HIPK2: variants seen among roughly 807,000 people sequenced by gnomAD.
The protein encoded by HIPK2 is homeodomain interacting protein kinase 2.
In HIPK2, 27 loss-of-function variants were observed where a neutral mutation model predicts 113.7. The ratio of observed to expected loss-of-function variants is 0.24; its 90% CI spans 0.17 to 0.33. The LOEUF (loss-of-function observed/expected upper bound fraction) is 0.33. HIPK2 is among the 10% of genes least tolerant of loss of function. The probability of loss-of-function intolerance (pLI) is 1.00; values close to 1 mark genes in which losing one functional copy is unlikely to be tolerated. For missense variants in HIPK2, 1,257 were observed against 1,588.0 expected (o/e 0.79, Z 3.54); for synonymous variants, 631 against 642.2 (o/e 0.98, Z 0.26).
At chr7:139,647,180 C>T (rs555810815) in intron 2 of HIPK2, among the ~76,000 whole-genome samples, 55 of 151,628 alleles carry the variant, frequency 3.6e-4, no homozygotes, top group South Asian at 2.3e-3. Context: ...GGAAGCATCC[C>T]GAGGCCATGG....
intron 2 of HIPK2, among the ~76,000 whole-genome samples, chr7:139,704,481 T>C (rs1794831494): frequency 7.3e-6 from 1 of 137,424 alleles, no homozygotes; most frequent in East Asian, 2.3e-4. Context: ...CAACACATGC[T>C]ACATGTGCCC....
intron 2 of HIPK2, among the ~76,000 whole-genome samples, chr7:139,643,579 C>T (rs1360193917): frequency 1.3e-5 from 2 of 152,162 alleles, no homozygotes; most frequent in Non-Finnish European, 2.9e-5. Flanking sequence ...AACCAGTTCT[C>T]AGATGTCCAG....
intron 1 of HIPK2, among the ~76,000 whole-genome samples, chr7:139,741,365 C>G (rs1163648315): frequency 6.6e-6 from 1 of 152,122 alleles, no homozygotes; most frequent in African/African-American, 2.4e-5. Context: ...CACTCTGGAC[C>G]CCATCCTTCG....
At chr7:139,727,429 G>A (rs546988692) in intron 1 of HIPK2, among the ~76,000 whole-genome samples, 1 of 152,262 alleles carries the variant, frequency 6.6e-6, no homozygotes, top group African/African-American at 2.4e-5. Flanking sequence ...CAAGAAATGT[G>A]GTTCTCTTAA....
At position 139,569,850 on chromosome 7, in the gene HIPK2, GA is replaced by G. The variant is rs1798206748; in HGVS notation, c.*3076del. 1 of 151,872 alleles carries G rather than the reference GA, an allele frequency of 6.6e-6. No homozygotes were observed. Among genetic ancestry groups the G allele is most frequent in the Non-Finnish European group, 1.5e-5 (1 of 67,990 alleles). The allele number at this position is 151,872 out of a possible 1,614,324, so 9.4% of individuals were successfully genotyped here. ...TAAAGAGAAAACACAAAGATACTTG[GA>G]ATAAATGTGCATTTAAAACCCTGAC... On this transcript the variant is annotated 3_prime_UTR_variant, in exon 15 of 15. Coordinates refer to ENST00000406875, the MANE Select transcript of HIPK2 (RefSeq NM_022740.5).
At chr7:139,602,654 C>T (rs67940215) in intron 10 of HIPK2, among the ~76,000 whole-genome samples, 8,249 of 151,548 alleles carry the variant, frequency 0.054, 472 homozygotes, top group African/African-American at 0.15. Flanking sequence ...GGTCAGACAG[C>T]TTTCCACTCG....
chr7:139,578,521 G>C (rs559617538), intron 13 of HIPK2, among the ~76,000 whole-genome samples: 24 of 152,226 alleles, frequency 1.6e-4, no homozygotes, highest in Admixed American at 9.2e-4. Flanking sequence ...TTTTAAGAGA[G>C]AAAGGTAATG....
chr7:139,636,375 T>C (rs1482168318), intron 2 of HIPK2, among the ~76,000 whole-genome samples: 2 of 151,992 alleles, frequency 1.3e-5, no homozygotes, highest in African/African-American at 2.4e-5. Context: ...ATGGGTTGAA[T>C]TGTGTCCCCC....
At chr7:139,695,841 A>T (rs922051185) in intron 2 of HIPK2, among the ~76,000 whole-genome samples, 3 of 152,248 alleles carry the variant, frequency 2.0e-5, no homozygotes, top group Admixed American at 1.3e-4. Flanking sequence ...AACTGTGATC[A>T]GAGTGATTTC....
chr7:139,611,688 TG>T (rs1476087235), intron 9 of HIPK2, among the ~76,000 whole-genome samples: 2 of 152,132 alleles, frequency 1.3e-5, no homozygotes, highest in Non-Finnish European at 2.9e-5. Context: ...ACTGCAGGCA[TG>T]TGCCACCATG....
In HIPK2 at chr7:139,564,207, C is replaced by T. The variant is rs946779669; in HGVS notation, c.*8720G>A. The T allele has an allele frequency of 2.3e-5, 8 of 348,342 alleles. No individual in the cohort carries two copies. Among genetic ancestry groups the T allele is most frequent in the East Asian group, 8.5e-5 (2 of 23,510 alleles). The allele number at this position is 348,342 out of a possible 1,614,324, so 21.6% of individuals were successfully genotyped here. ...ATTGATTTTGCTTTTAAGGGGAAAA[C>T]GAATAAATGACAGCAGATATATGGA... On this transcript the variant is annotated 3_prime_UTR_variant, in exon 15 of 15. Coordinates refer to ENST00000406875, the MANE Select transcript of HIPK2 (RefSeq NM_022740.5).
In HIPK2 at chr7:139,614,376, T is replaced by C; in HGVS notation, c.1900A>G (p.Ser634Gly). The change falls in exon 8 of 15, where the codon AGC becomes GGC. Residue 634 changes from serine to glycine, a missense_variant. Transcript: ENST00000406875. ...GCTGTTCCTGTCTGCAGGGGCATGC[T>C]CCGCTGGGCCACTGCAGCCATGGAT... ...AASMAAVAQR[S>G]MPLQTGTAQI... is the part of the protein sequence containing the mutation. The C allele has an allele frequency of 6.3e-7, 1 of 1,584,060 alleles. No homozygotes were observed. Among genetic ancestry groups the C allele is most frequent in the East Asian group, 2.3e-5 (1 of 43,386 alleles).
chr7:139,650,495 G>T (rs1332513495), intron 2 of HIPK2, among the ~76,000 whole-genome samples: 12 of 150,450 alleles, frequency 8.0e-5, no homozygotes, highest in Non-Finnish European at 4.4e-5. Context: ...TATTCTCAGG[G>T]TTGGACCATT....
chr7:139,674,446 T>C (rs1237151610), intron 2 of HIPK2, among the ~76,000 whole-genome samples: 2 of 152,186 alleles, frequency 1.3e-5, no homozygotes, highest in African/African-American at 4.8e-5. Flanking sequence ...AAATCCATCC[T>C]GGGGATGAGA....
chr7:139,562,982 G>A lies in HIPK2; in HGVS notation c.*9945C>T, dbSNP rs1021758052. On this transcript the variant is annotated 3_prime_UTR_variant, in exon 15 of 15. Transcript: ENST00000406875. ...AAAAAATGCACACACAGAGGATGAA[G>A]AGATGATTTGGGGGCTAGAGATGAC... 6.6e-6 allele frequency: 1 copy of A among 152,230 alleles called. No homozygotes were observed. Among genetic ancestry groups the A allele is most frequent in the Non-Finnish European group, 1.5e-5 (1 of 68,054 alleles). The allele number at this position is 152,230 out of a possible 1,614,324, so 9.4% of individuals were successfully genotyped here. A position where few individuals can be genotyped will look rare whatever the true frequency, so the allele number is the denominator to read the frequency against.
At chr7:139,621,887 T>C (rs1382685689) in intron 6 of HIPK2, among the ~76,000 whole-genome samples, 1 of 139,582 alleles carries the variant, frequency 7.2e-6, no homozygotes, top group Non-Finnish European at 1.5e-5. Flanking sequence ...TAGGCCTCTA[T>C]ATTCCAGTCT....
Position 139,575,292 on chromosome 7 carries a change from T to A in HIPK2, c.2966-4A>T. The A allele has an allele frequency of 1.3e-6, 2 of 1,558,796 alleles. No homozygotes were observed. The highest frequency in any genetic ancestry group is 1.7e-6 in the Non-Finnish European group (2 of 1,151,018). On this transcript the variant is annotated splice_polypyrimidine_tract_variant and splice_region_variant and intron_variant, in intron 13 of 14. Transcript: ENST00000406875. Reference sequence around the variant, plus strand: ...GACGAGTGGTGACTGGTGTTGACTGTGGCGGGAGGAGAAAGAGGTCAGATC... The same window carrying A: ...GACGAGTGGTGACTGGTGTTGACTGAGGCGGGAGGAGAAAGAGGTCAGATC...
intron 2 of HIPK2, among the ~76,000 whole-genome samples, chr7:139,646,636 A>G (rs867063339): frequency 1.8e-4 from 28 of 152,296 alleles, no homozygotes; most frequent in Middle Eastern, 6.8e-3. Context: ...GGACTCTCCT[A>G]CAGTGCCTTT....
In HIPK2 at chr7:139,631,039, A is replaced by G. The variant is rs1800595050; in HGVS notation, c.1347+126T>C. Reference sequence around the variant, plus strand: ...GCATTCAGATTCAGCCATACCATGTATTAACAACAGCACCCCCAGTGCCCT... The same window carrying G: ...GCATTCAGATTCAGCCATACCATGTGTTAACAACAGCACCCCCAGTGCCCT... On this transcript the variant is annotated intron_variant, in intron 4 of 14. Transcript: ENST00000406875. The surrounding 1 kb of genome is among the most constrained non-coding windows in gnomAD (Gnocchi z 4.9). The G allele has an allele frequency of 2.0e-5, 26 of 1,281,590 alleles. 1 individual carries two copies. The South Asian group carries it at 3.7e-4, about 18-fold the overall frequency. 79.4% of individuals were successfully genotyped at this position (1,281,590 alleles called of 1,614,324 possible).
Sources: allele counts gnomAD v4.1 joint callset (sites outside exome capture counted in the v4.1 genomes callset), GRCh38; gene constraint gnomAD v4.1.1; non-coding constraint Gnocchi (gnomAD v3.1); transcripts MANE v1.5; gene names NCBI Gene and HGNC (gene_info 2026-07-23, HGNC 2026-07-21).